ABCA9: variants seen among roughly 807,000 people sequenced by gnomAD.
The protein encoded by ABCA9 is ATP binding cassette subfamily A member 9.
In ABCA9, 183 loss-of-function variants were observed where a neutral mutation model predicts 205.3. That is an observed-to-expected ratio of 0.89 (90% CI 0.79 to 1.01). The LOEUF (loss-of-function observed/expected upper bound fraction) is 1.01. Ranked by LOEUF, ABCA9 falls within the 50% of genes least tolerant of loss-of-function variation. The pLI, the probability that ABCA9 is intolerant of heterozygous loss-of-function variation, is 0.00. For synonymous variants in ABCA9, 651 were observed against 683.3 expected, an observed-to-expected ratio of 0.95 and a Z score of 0.74; for missense variants, 1,805 against 1,912.4, an observed-to-expected ratio of 0.94 and a Z score of 1.05.
At chr17:69,049,194 A>G (rs2071818267) in intron 3 of ABCA9, 89 bp downstream of exon 3, 2 of 1,325,960 alleles carry the variant, frequency 1.5e-6, no homozygotes, top group Non-Finnish European at 2.1e-6. Flanking sequence ...AGAAACTTGA[A>G]CATTCAACAT....
intron 37 of ABCA9, among the ~76,000 whole-genome samples, chr17:68,977,243 G>A (rs1436045569): frequency 6.6e-6 from 1 of 152,092 alleles, no homozygotes. Flanking sequence ...AAAGCAGGAT[G>A]CATCACCCAC....
At chr17:69,064,356 T>A (rs1160209432), upstream of ABCA9, among the ~76,000 whole-genome samples, 1 of 152,184 alleles carries the variant, frequency 6.6e-6, no homozygotes, top group Non-Finnish European at 1.5e-5. Context: ...AGGATCTACA[T>A]TACTCTGGCA....
the ABCA9 span, chr17:69,078,974 T>C: frequency 6.2e-7 from 1 of 1,602,968 alleles, no homozygotes; most frequent in East Asian, 2.2e-5. Flanking sequence ...TTTGAGGTTT[T>C]AAGGTTCATC....
chr17:68,984,046 A>C lies in ABCA9; in HGVS notation c.4499+10T>G. On this transcript the variant is annotated intron_variant, in intron 35 of 38. Coordinates refer to ENST00000340001, the MANE Select transcript of ABCA9 (RefSeq NM_080283.4). ...CTAGGGGCTGAGCGCCGGCTTGGACAGGCACTCACCTCAGCCTTCCTGACA... is the reference window on the plus strand; with the variant it reads ...CTAGGGGCTGAGCGCCGGCTTGGACCGGCACTCACCTCAGCCTTCCTGACA... The C allele has an allele frequency of 6.2e-7, 1 of 1,614,064 alleles. No individual in the cohort carries two copies. The highest frequency in any genetic ancestry group is 1.3e-5 in the African/African-American group (1 of 75,044).
intron 30 of ABCA9, 122 bp from the exon 31 acceptor site, chr17:68,989,240 T>G: frequency 1.8e-5 from 9 of 488,082 alleles, no homozygotes; most frequent in East Asian, 3.1e-5. Context: ...ATTTCCCTTA[T>G]TCCTCTCTCT....
At chr17:69,014,282 CAT>C (rs1178727418) in intron 22 of ABCA9, among the ~76,000 whole-genome samples, 6 of 152,108 alleles carry the variant, frequency 3.9e-5, no homozygotes, top group African/African-American at 1.4e-4. Flanking sequence ...ACATTCAAAA[CAT>C]AGGCACACAA....
In ABCA9 at chr17:69,049,397, C is replaced by A. The variant is rs1471418335; in HGVS notation, c.190G>T (p.Asp64Tyr). The A allele has an allele frequency of 1.9e-6, 3 of 1,612,740 alleles. No individual in the cohort carries two copies. Among genetic ancestry groups the A allele is most frequent in the Non-Finnish European group, 2.5e-6 (3 of 1,179,218 alleles). Reference protein sequence around the residue: ...VHDTPQMSSMDLGRVDSFNDT... With the variant: ...VHDTPQMSSMYLGRVDSFNDT... ...TTAAAACTATCTACACGTCCCAGAT[C>A]CATTGAAGACATTTGAGGAGTGTCA... Residue 64 changes from aspartate to tyrosine, a missense_variant, in exon 3 of 39, where the codon GAT (aspartate) becomes TAT (tyrosine). Coordinates refer to ENST00000340001, the MANE Select transcript of ABCA9 (RefSeq NM_080283.4).
Position 69,030,181 on chromosome 17 carries a change from A to G in ABCA9, c.1446-954T>C, listed in dbSNP as rs1388029258. ...GTTGTATTCGCCTGCTTGGGCTGCT[A>G]TAACAAAATACCATAGACTAGGTGG... is the stretch of plus-strand genomic sequence containing the variant. On this transcript the variant is annotated intron_variant, in intron 10 of 38. Transcript: ENST00000340001. Among the ~76,000 whole-genome samples, 3 of 152,356 alleles carry G rather than the reference A, an allele frequency of 2.0e-5. No homozygotes were observed. In the South Asian group the frequency reaches 6.2e-4, roughly 32 times the overall value.
chr17:69,014,816 C>A (rs1039945558), intron 22 of ABCA9, among the ~76,000 whole-genome samples: 4 of 152,084 alleles, frequency 2.6e-5, no homozygotes, highest in African/African-American at 9.7e-5. Flanking sequence ...ATGGACACAT[C>A]AAACAATGAA....
chr17:68,986,139 G>T, intron 32 of ABCA9, 25 bp downstream of exon 32: 1 of 1,577,412 alleles, frequency 6.3e-7, no homozygotes, highest in Non-Finnish European at 8.6e-7. Flanking sequence ...TCCAGCAAAG[G>T]GGAGTGCCCC....
At position 68,986,188 on chromosome 17, in the gene ABCA9, C is replaced by T; in HGVS notation, c.4184G>A (p.Gly1395Glu). The T allele has an allele frequency of 6.2e-7, 1 of 1,612,356 alleles. No individual in the cohort carries two copies. The highest frequency in any genetic ancestry group is 8.5e-7 in the Non-Finnish European group (1 of 1,179,196). ...VYAAVKGLRK[G>E]DAMIAITRLV... The stretch of plus-strand genomic sequence containing the variant: ...CCGTGTGATGGCGATCATTGCGTCC[C>T]CTTTCCTGAGACCTTTCACGGCAGC... Residue 1395 changes from glycine (G) to glutamate (E), a missense_variant, in exon 32 of 39, where the codon GGG becomes GAG. Gly to Glu is a moderately conservative substitution (Grantham distance 98). Transcript: ENST00000340001.
intron 1 of ABCA9, 45 bp from the exon 2 acceptor site, chr17:69,051,184 A>C: frequency 6.5e-7 from 1 of 1,538,580 alleles, no homozygotes; most frequent in Non-Finnish European, 8.9e-7. Context: ...GAAGGTCTAA[A>C]GTAGAAAACA....
chr17:69,043,706 T>A lies in ABCA9; in HGVS notation c.583A>T (p.Asn195Tyr). The A allele has an allele frequency of 6.3e-7, 1 of 1,596,484 alleles. No homozygotes were observed. The highest frequency in any genetic ancestry group is 8.5e-7 in the Non-Finnish European group (1 of 1,173,788). Residue 195 changes from asparagine (N) to tyrosine (Y), a missense_variant, in exon 6 of 39, where the codon AAT (asparagine) becomes TAT (tyrosine). Transcript: ENST00000340001. ...INAAIIEIAT[N>Y]HSVMEQLMSV... ...ATCAGCTGTTCCATCACTGAATGAT[T>A]TGTTGCGATCTGAAGAAAGATATCA...
At chr17:69,022,939 C>G (rs1406078457) in intron 17 of ABCA9, among the ~76,000 whole-genome samples, 1 of 152,190 alleles carries the variant, frequency 6.6e-6, no homozygotes, top group Non-Finnish European at 1.5e-5. Context: ...TTCAGTCTTT[C>G]TCCAAATTTC....
chr17:69,044,465 A>G (rs1348668336), intron 5 of ABCA9, 32 bp downstream of exon 5: 1 of 1,576,486 alleles, frequency 6.3e-7, no homozygotes. Flanking sequence ...TTCAAATGCA[A>G]TGTGGTTAGA....
chr17:69,007,393 T>A (rs1434903093), intron 25 of ABCA9, among the ~76,000 whole-genome samples: 1 of 152,110 alleles, frequency 6.6e-6, no homozygotes, highest in Non-Finnish European at 1.5e-5. Flanking sequence ...AGAGCGAGAC[T>A]CTGTCTCAGA....
intron 27 of ABCA9, chr17:68,992,684 A>C (rs1232703435): frequency 4.2e-6 from 1 of 236,878 alleles, no homozygotes; most frequent in Non-Finnish European, 8.2e-6. Context: ...ATGGTGGTGC[A>C]TGCCTGTAAT....
chr17:69,036,638 C>A (rs1233518309), intron 6 of ABCA9, among the ~76,000 whole-genome samples: 1 of 151,804 alleles, frequency 6.6e-6, no homozygotes, highest in African/African-American at 2.4e-5. Flanking sequence ...TGCAAAATAA[C>A]CAGCCAGCAT....
At chr17:69,071,366 C>A in the ABCA9 span, among the ~76,000 whole-genome samples, 1 of 152,142 alleles carries the variant, frequency 6.6e-6, no homozygotes, top group Admixed American at 6.5e-5. Flanking sequence ...TGGCGGGTGC[C>A]CCTCTGGGAT....
Sources: allele counts gnomAD v4.1 joint callset (sites outside exome capture counted in the v4.1 genomes callset), GRCh38; gene constraint gnomAD v4.1.1; transcripts MANE v1.5; gene names NCBI Gene and HGNC (gene_info 2026-07-23, HGNC 2026-07-21).